MYO1B: variants seen among roughly 807,000 people sequenced by gnomAD.
The protein encoded by MYO1B is myosin IB.
MYO1B carries 72 observed loss-of-function variants against 159.7 expected under a neutral mutation model. The ratio of observed to expected loss-of-function variants is 0.45; its 90% CI spans 0.37 to 0.55. The LOEUF is 0.55. MYO1B is among the 20% of genes least tolerant of loss of function. The probability of loss-of-function intolerance (pLI) is 0.00; values close to 1 mark genes in which losing one functional copy is unlikely to be tolerated. For missense variants in MYO1B, 1,062 were observed against 1,364.8 expected (o/e 0.78, Z 3.50); for synonymous variants, 468 against 473.8 (o/e 0.99, Z 0.16).
intron 30 of MYO1B, among the ~76,000 whole-genome samples, chr2:191,417,694 G>A (rs961826329): frequency 6.6e-6 from 1 of 152,216 alleles, no homozygotes. Flanking sequence ...AACATTGCTT[G>A]TACAGGATGC....
chr2:191,393,056 C>T lies in MYO1B; in HGVS notation c.2077-17C>T, dbSNP rs886272435. 1.4e-5 allele frequency: 23 copies of T among 1,608,640 alleles called. No homozygotes were observed. Among genetic ancestry groups the T allele is most frequent in the Non-Finnish European group, 1.9e-5 (22 of 1,176,746 alleles). ...TTCAGAGGATTTTTGATAAGTCCAT[C>T]TATCATTTCTTATTAGTTATTCAAA... On this transcript the variant is annotated splice_polypyrimidine_tract_variant and intron_variant, in intron 19 of 30. Coordinates refer to ENST00000392318, the MANE Select transcript of MYO1B (RefSeq NM_001130158.3).
intron 2 of MYO1B, among the ~76,000 whole-genome samples, chr2:191,292,109 A>G (rs1274001660): frequency 1.3e-5 from 2 of 152,348 alleles, no homozygotes; most frequent in East Asian, 3.9e-4. Flanking sequence ...AGGTTAGAAG[A>G]TAAAGAGGAT....
chr2:191,379,188 A>G (rs1285687149), intron 13 of MYO1B: 1 of 152,682 alleles, frequency 6.5e-6, no homozygotes, highest in East Asian at 1.9e-4. Flanking sequence ...AATAACTATC[A>G]ATACATGCTC....
In MYO1B at chr2:191,341,369, C is replaced by T. The variant is rs377078729; in HGVS notation, c.347-92C>T. ...TAGGAATAAAGACATTTGAAAATGC[C>T]GTTAGTGGGTCTTCTCCCACATTTC... On this transcript the variant is annotated intron_variant, in intron 4 of 30. Transcript: ENST00000392318. The T allele has an allele frequency of 6.3e-5, 58 of 915,720 alleles. No individual in the cohort carries two copies. In the East Asian group the frequency reaches 1.2e-3, roughly 18 times the overall value. 56.7% of individuals were successfully genotyped at this position (915,720 alleles called of 1,614,324 possible).
intron 3 of MYO1B, among the ~76,000 whole-genome samples, chr2:191,315,266 C>A (rs1690278172): frequency 6.6e-6 from 1 of 152,122 alleles, no homozygotes; most frequent in African/African-American, 2.4e-5. Flanking sequence ...ATATTTTAGT[C>A]ATACCAATTG....
chr2:191,326,664 C>T (rs988227769), intron 3 of MYO1B, among the ~76,000 whole-genome samples: 1 of 151,726 alleles, frequency 6.6e-6, no homozygotes, highest in Non-Finnish European at 1.5e-5. Flanking sequence ...AGTATTTCAG[C>T]CTGGATAGAG....
intron 20 of MYO1B, among the ~76,000 whole-genome samples, chr2:191,393,945 C>A (rs1225470575): frequency 6.6e-6 from 1 of 152,188 alleles, no homozygotes; most frequent in Non-Finnish European, 1.5e-5. Context: ...TTTGCACTCA[C>A]ATCTCCTTTC....
chr2:191,366,937 A>G (rs1694050776), intron 11 of MYO1B, among the ~76,000 whole-genome samples: 1 of 150,160 alleles, frequency 6.7e-6, no homozygotes, highest in Non-Finnish European at 1.5e-5. Context: ...CCTTAGCTCC[A>G]CTCTAAGCTC....
chr2:191,370,844 C>T (rs1694318888), intron 13 of MYO1B: 1 of 152,236 alleles, frequency 6.6e-6, no homozygotes, highest in Non-Finnish European at 1.5e-5. Context: ...ATAATGAATT[C>T]TGCTGCAGAG....
At chr2:191,292,423 A>C (rs1216306002) in intron 2 of MYO1B, among the ~76,000 whole-genome samples, 1 of 152,198 alleles carries the variant, frequency 6.6e-6, no homozygotes, top group Non-Finnish European at 1.5e-5. Context: ...CGAAGCAGTG[A>C]GGCTTCCAGG....
At chr2:191,342,832 G>A (rs1478313689) in intron 5 of MYO1B, among the ~76,000 whole-genome samples, 2 of 152,080 alleles carry the variant, frequency 1.3e-5, no homozygotes, top group African/African-American at 4.8e-5. Context: ...GGGCAACAGA[G>A]GAAGACTCTG....
intron 3 of MYO1B, among the ~76,000 whole-genome samples, chr2:191,302,918 T>C (rs946321930): frequency 2.0e-5 from 3 of 152,222 alleles, no homozygotes; most frequent in Non-Finnish European, 4.4e-5. Flanking sequence ...CCTCCGTCTG[T>C]GGACTCTTTG....
chr2:191,333,850 T>G (rs1220569041), intron 4 of MYO1B, among the ~76,000 whole-genome samples: 2 of 152,186 alleles, frequency 1.3e-5, no homozygotes, highest in Non-Finnish European at 2.9e-5. Flanking sequence ...TTAGAAGCAG[T>G]ACAGCTTCTT....
At chr2:191,400,568 G>GC in intron 22 of MYO1B, 100 bp downstream of exon 22, 1 of 1,425,150 alleles carries the variant, frequency 7.0e-7, no homozygotes, top group Non-Finnish European at 9.9e-7. Context: ...ACTGGCTTGA[G>GC]CTACTGAGCA....
At chr2:191,363,407 T>C (rs969648849) in intron 9 of MYO1B, among the ~76,000 whole-genome samples, 4 of 152,164 alleles carry the variant, frequency 2.6e-5, no homozygotes, top group African/African-American at 9.7e-5. Flanking sequence ...GTTGGTTTTG[T>C]TTCTAGTAGC....
intron 3 of MYO1B, among the ~76,000 whole-genome samples, chr2:191,327,054 T>C (rs1021468893): frequency 3.3e-5 from 5 of 152,154 alleles, no homozygotes; most frequent in African/African-American, 9.7e-5. Flanking sequence ...CAAAATATTA[T>C]CTGAACATTG....
At position 191,423,294 on chromosome 2, in the gene MYO1B, A is replaced by C. The variant is rs373242095; in HGVS notation, c.3288-543A>C. ...ACTGCATACTGTAGGCAATTGTAAC[A>C]CAATGGTAAATAGTTGTCTATCTAA... On this transcript the variant is annotated intron_variant, in intron 30 of 30. Coordinates refer to ENST00000392318, the MANE Select transcript of MYO1B (RefSeq NM_001130158.3). Among the ~76,000 whole-genome samples, 10 of 152,360 alleles carry C rather than the reference A, an allele frequency of 6.6e-5. No individual in the cohort carries two copies. The East Asian group carries it at 1.7e-3, about 26-fold the overall frequency.
chr2:191,399,941 G>C (rs907802881), intron 21 of MYO1B, among the ~76,000 whole-genome samples: 1 of 152,166 alleles, frequency 6.6e-6, no homozygotes, highest in African/African-American at 2.4e-5. Flanking sequence ...ACTGGTTTGG[G>C]ATCAATGAGA....
At chr2:191,390,629 T>G in intron 18 of MYO1B, 137 bp downstream of exon 18, 1 of 999,228 alleles carries the variant, frequency 1.0e-6, no homozygotes, top group Non-Finnish European at 1.4e-6. Flanking sequence ...CTTCTTCCAT[T>G]AGGATACCAT....
Sources: allele counts gnomAD v4.1 joint callset (sites outside exome capture counted in the v4.1 genomes callset), GRCh38; gene constraint gnomAD v4.1.1; transcripts MANE v1.5; gene names NCBI Gene and HGNC (gene_info 2026-07-23, HGNC 2026-07-21).